The following ATL3 variants were observed in gnomAD, a reference collection of about 807,000 sequenced individuals.
ATL3 encodes the protein atlastin-3.
Under a neutral mutation model 69.5 loss-of-function variants are expected in ATL3, and 49 were observed. That is an observed-to-expected ratio of 0.71 (90% CI 0.56 to 0.89). The LOEUF (loss-of-function observed/expected upper bound fraction) is 0.89, where lower values mean the gene tolerates loss of function less well. Ranked by LOEUF, ATL3 falls within the 40% of genes least tolerant of loss-of-function variation. The probability of loss-of-function intolerance (pLI) is 0.00; values close to 1 mark genes in which losing one functional copy is unlikely to be tolerated. For missense variants in ATL3, 606 were observed against 645.7 expected (o/e 0.94, Z 0.67); for synonymous variants, 214 against 224.1 (o/e 0.95, Z 0.40).
At chr11:63,655,240 G>A (rs1048306505) in intron 3 of ATL3, among the ~76,000 whole-genome samples, 16 of 151,646 alleles carry the variant, frequency 1.1e-4, no homozygotes, top group African/African-American at 2.2e-4. Flanking sequence ...AATCTCCGCC[G>A]CCCAGGTTCC....
intron 3 of ATL3, among the ~76,000 whole-genome samples, chr11:63,653,364 T>C (rs1333709750): frequency 2.6e-5 from 4 of 151,706 alleles, no homozygotes; most frequent in Admixed American, 6.6e-5. Flanking sequence ...ACTCCAGAGG[T>C]TGAGGCAGGA....
At chr11:63,645,372 G>A (rs1939836123) in intron 6 of ATL3, among the ~76,000 whole-genome samples, 3 of 151,266 alleles carry the variant, frequency 2.0e-5, no homozygotes, top group African/African-American at 7.3e-5. Context: ...TCCAGCCTGG[G>A]CAAAATTTTA....
At chr11:63,664,962 A>G (rs1379263162) in intron 1 of ATL3, among the ~76,000 whole-genome samples, 3 of 152,218 alleles carry the variant, frequency 2.0e-5, no homozygotes, top group African/African-American at 7.2e-5. Flanking sequence ...TGAAGGCTAC[A>G]ACCCAAAGGA....
chr11:63,633,337 A>G (rs1939391037), intron 10 of ATL3, among the ~76,000 whole-genome samples: 1 of 152,210 alleles, frequency 6.6e-6, no homozygotes, highest in Non-Finnish European at 1.5e-5. Flanking sequence ...AAGAATCTTT[A>G]GCAAAAATTA....
At chr11:63,634,129 T>C (rs1590719544) in intron 10 of ATL3, among the ~76,000 whole-genome samples, 1 of 142,132 alleles carries the variant, frequency 7.0e-6, no homozygotes, top group African/African-American at 2.7e-5. Flanking sequence ...GGAGGATCAC[T>C]TGAGTCCAAG....
At chr11:63,654,787 C>T (rs1231377157) in intron 3 of ATL3, among the ~76,000 whole-genome samples, 1 of 150,240 alleles carries the variant, frequency 6.7e-6, no homozygotes, top group African/African-American at 2.5e-5. Flanking sequence ...ACCTCCACCT[C>T]CCAGGTTCAA....
chr11:63,630,901 T>C, intron 12 of ATL3, 139 bp downstream of exon 12: 1 of 691,656 alleles, frequency 1.4e-6, no homozygotes, highest in South Asian at 2.0e-5. Flanking sequence ...ACATACAGTC[T>C]ATCAGAAAAC....
chr11:63,665,304 C>T (rs1169977579), intron 1 of ATL3, among the ~76,000 whole-genome samples: 2 of 150,774 alleles, frequency 1.3e-5, no homozygotes, highest in Non-Finnish European at 2.9e-5. Context: ...TGAGATTAAG[C>T]CATTGCACTC....
At position 63,632,128 on chromosome 11, in the gene ATL3, ATT is replaced by A. The variant is rs369118685; in HGVS notation, c.1108-659_1108-658del. 8 of 350,656 alleles carry A rather than the reference ATT, an allele frequency of 2.3e-5. No individual in the cohort carries two copies. In the East Asian group the frequency reaches 4.9e-4, roughly 22 times the overall value. 21.7% of individuals were successfully genotyped at this position (350,656 alleles called of 1,614,324 possible). ...CACATACGCTTTGAGACATGCTTTA[ATT>A]TTTTTTTTCTGGAAGCCCTGCGACT... On this transcript the variant is annotated intron_variant, in intron 11 of 12. Transcript: ENST00000398868.
Position 63,626,299 on chromosome 11 carries a change from G to GA in ATL3, c.*3019dup, listed in dbSNP as rs1205233669. On this transcript the variant is annotated 3_prime_UTR_variant, in exon 13 of 13. Transcript: ENST00000398868. ...GGAAGCTGAGACAGGAGAATCGCTTGAACCTGGGAGGTGGAGGTTGCAGTG... is the reference window on the plus strand; with the variant it reads ...GGAAGCTGAGACAGGAGAATCGCTTGAAACCTGGGAGGTGGAGGTTGCAGTG... 5.9e-5 allele frequency: 9 copies of GA among 152,274 alleles called. No homozygotes were observed. The highest frequency in any genetic ancestry group is 2.2e-4 in the African/African-American group (9 of 41,444). 9.4% of individuals were successfully genotyped at this position (152,274 alleles called of 1,614,324 possible).
intron 3 of ATL3, among the ~76,000 whole-genome samples, chr11:63,657,655 A>G (rs1041687305): frequency 1.3e-5 from 2 of 152,224 alleles, no homozygotes; most frequent in Admixed American, 6.5e-5. Flanking sequence ...TTTAAACTAT[A>G]TTCATGCATT....
In ATL3 at chr11:63,642,417, T is replaced by C. The variant is rs79232897; in HGVS notation, c.850+940A>G. On this transcript the variant is annotated intron_variant, in intron 8 of 12. Coordinates refer to ENST00000398868, the MANE Select transcript of ATL3 (RefSeq NM_015459.5). ...ACTAAATCAAATAGGTTGGAAATGA[T>C]GCATTTTATATTTAATATGAGGCTA... Among the ~76,000 whole-genome samples, 956 of 152,344 alleles carry C rather than the reference T, an allele frequency of 6.3e-3. 6 individuals carry two copies. Among genetic ancestry groups the C allele is most frequent in the African/African-American group, 0.021 (890 of 41,564 alleles).
chr11:63,640,517 A>T (rs1429071996), intron 8 of ATL3, among the ~76,000 whole-genome samples: 1 of 150,990 alleles, frequency 6.6e-6, no homozygotes, highest in Non-Finnish European at 1.5e-5. Context: ...GATGTACCAT[A>T]ATCTAACCAA....
chr11:63,631,974 TC>T (rs1939335622), intron 11 of ATL3, among the ~76,000 whole-genome samples: 1 of 152,134 alleles, frequency 6.6e-6, no homozygotes, highest in Non-Finnish European at 1.5e-5. Context: ...AGAGTGAGAC[TC>T]CGTCTCTAAA....
intron 5 of ATL3, among the ~76,000 whole-genome samples, chr11:63,647,490 G>A (rs1421518586): frequency 1.3e-5 from 2 of 152,236 alleles, no homozygotes; most frequent in African/African-American, 2.4e-5. Context: ...ACCACACCCA[G>A]TCTTAAAAGT....
intron 5 of ATL3, among the ~76,000 whole-genome samples, chr11:63,647,508 T>C (rs1275943376): frequency 1.3e-5 from 2 of 152,240 alleles, no homozygotes. Flanking sequence ...AGTTTTTTTC[T>C]TAACATTTAT....
upstream of ATL3, chr11:63,671,547 A>ACGAGG: frequency 7.0e-7 from 1 of 1,425,878 alleles, no homozygotes; most frequent in South Asian, 1.4e-5. Context: ...CGAGCGCAGG[A>ACGAGG]CGAGGCTAGG....
chr11:63,634,322 C>G (rs1213503281), intron 10 of ATL3, among the ~76,000 whole-genome samples: 1 of 151,438 alleles, frequency 6.6e-6, no homozygotes, highest in Admixed American at 6.6e-5. Context: ...CTGGCTAACA[C>G]GGTGAAACCC....
At chr11:63,664,768 C>T (rs941605587) in intron 1 of ATL3, among the ~76,000 whole-genome samples, 15 of 151,498 alleles carry the variant, frequency 9.9e-5, no homozygotes, top group Admixed American at 7.9e-4. Context: ...CCTCCATGCC[C>T]GGCTAATTTT....
Sources: gnomAD v4.1 joint callset for allele counts (sites outside exome capture counted in the v4.1 genomes callset) on GRCh38, gnomAD v4.1.1 for gene constraint, MANE v1.5 for transcripts, NCBI Gene and HGNC (gene_info 2026-07-23, HGNC 2026-07-21) for gene names.